The following NOL10 variants were observed in gnomAD, a reference collection of about 807,000 sequenced individuals.
NOL10 encodes H_NH0074G24.1.
In NOL10, 58 loss-of-function variants were observed where a neutral mutation model predicts 103.5. The observed-to-expected ratio is 0.56, with a 90% CI of 0.45 to 0.70. The LOEUF is 0.70. NOL10 is among the 30% of genes least tolerant of loss of function. The pLI is 0.00. For missense variants in NOL10, 763 were observed against 807.3 expected (o/e 0.95, Z 0.67); for synonymous variants, 287 against 282.5 (o/e 1.02, Z -0.16).
chr2:10,660,840 A>G (rs1041194904), intron 9 of NOL10, among the ~76,000 whole-genome samples: 2 of 151,812 alleles, frequency 1.3e-5, no homozygotes, highest in Non-Finnish European at 2.9e-5. Flanking sequence ...TGCTTCCCCT[A>G]TTCAACACTT....
In NOL10 at chr2:10,607,650, A is replaced by C. The variant is rs577812912; in HGVS notation, c.1027-339T>G. Among the ~76,000 whole-genome samples the C allele has an allele frequency of 7.2e-5, 11 of 152,070 alleles. No homozygotes were observed. In the East Asian group the frequency reaches 9.6e-4, roughly 13 times the overall value. On this transcript the variant is annotated intron_variant, in intron 13 of 20. Transcript: ENST00000381685. The stretch of plus-strand genomic sequence containing the variant: ...TCATGTATCACCTCCTTCCTTCAAA[A>C]TACTACTAGAATTCTACAAAAGCAT...
intron 13 of NOL10, among the ~76,000 whole-genome samples, chr2:10,613,990 C>T (rs955873830): frequency 6.7e-6 from 1 of 150,236 alleles, no homozygotes; most frequent in African/African-American, 2.5e-5. Flanking sequence ...GAAGGAGTCT[C>T]ACTCTGTCAC....
rs1443894367 is a variant in NOL10 at position 10,600,839 on chromosome 2, C to T, written c.1422+14G>A. On this transcript the variant is annotated intron_variant, in intron 17 of 20. Transcript: ENST00000381685. ...AAAACGCAGAAACAATTTGCCGATA[C>T]TTTTTCACCTTACCTTAACTTTCTT... The T allele has an allele frequency of 1.3e-6, 2 of 1,510,742 alleles. No homozygotes were observed. Among genetic ancestry groups the T allele is most frequent in the Non-Finnish European group, 1.8e-6 (2 of 1,113,302 alleles). The allele number at this position is 1,510,742 out of a possible 1,614,324, so 93.6% of individuals were successfully genotyped here. A position where few individuals can be genotyped will look rare whatever the true frequency, so the allele number is the denominator to read the frequency against.
chr2:10,589,602 T>C lies in NOL10; in HGVS notation c.1572A>G (p.Leu524=), dbSNP rs1037477911. 1.3e-6 allele frequency: 2 copies of C among 1,583,322 alleles called. No homozygotes were observed. The highest frequency in any genetic ancestry group is 2.7e-5 in the African/African-American group (2 of 73,140). ...SEKRKKKLRL[L]EQQELREKEE... The stretch of plus-strand genomic sequence containing the variant: ...CTTTTTCACGAAGTTCTTGTTGCTC[T>C]AAGAGTCTTAGTTTCTTCTTCCTTT... Residue 524 remains leucine (L), a synonymous_variant, in exon 18 of 21, where the codon TTA becomes TTG. Transcript: ENST00000381685.
At chr2:10,604,087 G>T (rs889225077) in intron 14 of NOL10, among the ~76,000 whole-genome samples, 1 of 152,264 alleles carries the variant, frequency 6.6e-6, no homozygotes, top group East Asian at 1.9e-4. Flanking sequence ...TAGATCCCTC[G>T]CATGTGCAGT....
At chr2:10,607,614 C>T (rs537700802) in intron 13 of NOL10, among the ~76,000 whole-genome samples, 92 of 152,010 alleles carry the variant, frequency 6.1e-4, no homozygotes, top group Non-Finnish European at 1.2e-3. Flanking sequence ...CTTATAATAA[C>T]ATCCATCCAT....
intron 4 of NOL10, 83 bp downstream of exon 4, chr2:10,675,711 A>G: frequency 5.1e-6 from 4 of 785,772 alleles, no homozygotes; most frequent in Non-Finnish European, 8.2e-6. Context: ...AAAACTAATT[A>G]CAAACCATTC....
chr2:10,653,113 T>G (rs1679589028), intron 12 of NOL10, among the ~76,000 whole-genome samples: 1 of 151,962 alleles, frequency 6.6e-6, no homozygotes, highest in African/African-American at 2.4e-5. Flanking sequence ...TGAGAATCGC[T>G]TGAACCCAGG....
chr2:10,645,944 T>TACAC (rs57494359), intron 12 of NOL10, among the ~76,000 whole-genome samples: 32,827 of 147,458 alleles, frequency 0.22, 3,711 homozygotes, highest in South Asian at 0.44. Context: ...CACACACACA[T>TACAC]ACACACACAC....
intron 3 of NOL10, among the ~76,000 whole-genome samples, chr2:10,681,076 A>C (rs987776204): frequency 6.6e-6 from 1 of 152,138 alleles, no homozygotes. Flanking sequence ...CTAAACATAC[A>C]CCTACCTAGG....
chr2:10,622,963 A>G (rs1383507085), intron 13 of NOL10, among the ~76,000 whole-genome samples: 2 of 151,962 alleles, frequency 1.3e-5, no homozygotes, highest in African/African-American at 2.4e-5. Flanking sequence ...CCCATCATCC[A>G]TCACTCCCCC....
intron 9 of NOL10, among the ~76,000 whole-genome samples, chr2:10,661,907 G>C (rs1320658559): frequency 6.7e-6 from 1 of 149,850 alleles, no homozygotes; most frequent in African/African-American, 2.5e-5. Flanking sequence ...AAAGCAAATC[G>C]GAAAAAAAAA....
intron 8 of NOL10, among the ~76,000 whole-genome samples, chr2:10,665,451 A>C (rs2148331477): frequency 6.6e-6 from 1 of 152,364 alleles, no homozygotes; most frequent in East Asian, 1.9e-4. Flanking sequence ...AGAAACTAAA[A>C]TCTGAGATGT....
At chr2:10,590,179 T>C (rs1426568233) in intron 17 of NOL10, among the ~76,000 whole-genome samples, 1 of 152,162 alleles carries the variant, frequency 6.6e-6, no homozygotes, top group Non-Finnish European at 1.5e-5. Flanking sequence ...CAATCACAGC[T>C]CACTGCAGCC....
chr2:10,684,488 T>G, intron 2 of NOL10, 79 bp downstream of exon 2: 1 of 1,123,038 alleles, frequency 8.9e-7, no homozygotes, highest in Admixed American at 2.5e-5. Flanking sequence ...AAATCCTCAC[T>G]TATATATAAC....
At chr2:10,605,963 T>G (rs1286549698) in intron 14 of NOL10, among the ~76,000 whole-genome samples, 1 of 152,212 alleles carries the variant, frequency 6.6e-6, no homozygotes, top group African/African-American at 2.4e-5. Flanking sequence ...GCACATCTAT[T>G]TGTTCCAAAG....
At chr2:10,619,343 G>A (rs182362720) in intron 13 of NOL10, among the ~76,000 whole-genome samples, 15 of 152,070 alleles carry the variant, frequency 9.9e-5, no homozygotes, top group Middle Eastern at 3.4e-3. Context: ...TTGTAGAGAC[G>A]GGGTCTCACT....
chr2:10,654,042 T>A (rs560022804), intron 12 of NOL10, among the ~76,000 whole-genome samples: 2 of 152,336 alleles, frequency 1.3e-5, no homozygotes, highest in African/African-American at 4.8e-5. Flanking sequence ...CTGAATAGCA[T>A]ACAACTTAGA....
intron 3 of NOL10, among the ~76,000 whole-genome samples, chr2:10,678,722 G>C (rs1681503943): frequency 6.6e-6 from 1 of 152,142 alleles, no homozygotes; most frequent in African/African-American, 2.4e-5. Flanking sequence ...ATCTGAGAAA[G>C]AAGTAGGGAT....
Sources: allele counts gnomAD v4.1 joint callset (sites outside exome capture counted in the v4.1 genomes callset), GRCh38; gene constraint gnomAD v4.1.1; transcripts MANE v1.5; gene names NCBI Gene and HGNC (gene_info 2026-07-23, HGNC 2026-07-21).